The following NPAS3 variants were observed in gnomAD, a reference collection of about 807,000 sequenced individuals.
NPAS3 encodes the protein neuronal PAS domain-containing protein 3.
In NPAS3, 14 loss-of-function variants were observed where a neutral mutation model predicts 73.1. That is an observed-to-expected ratio of 0.19 (90% CI 0.13 to 0.30). The LOEUF is 0.30. Among genes scored for constraint, NPAS3 ranks in the 10% least tolerant of loss-of-function variants. The probability of loss-of-function intolerance (pLI) is 1.00; values close to 1 mark genes in which losing one functional copy is unlikely to be tolerated. For missense variants in NPAS3, 1,096 were observed against 1,250.0 expected (o/e 0.88, Z 1.86); for synonymous variants, 620 against 541.5 (o/e 1.14, Z -2.01).
At chr14:33,061,918 A>C (rs565092310) in intron 2 of NPAS3, among the ~76,000 whole-genome samples, 15 of 152,268 alleles carry the variant, frequency 9.9e-5, no homozygotes, top group African/African-American at 1.4e-4. Flanking sequence ...TTCATGGTGG[A>C]GGAGGAGCTA....
intron 1 of NPAS3, among the ~76,000 whole-genome samples, chr14:33,047,937 A>G (rs2040567038): frequency 6.6e-6 from 1 of 152,196 alleles, no homozygotes; most frequent in Non-Finnish European, 1.5e-5. Flanking sequence ...TTTAATGAAC[A>G]AAAAAGGTTT....
At chr14:33,495,791 T>C (rs1264193523) in intron 4 of NPAS3, among the ~76,000 whole-genome samples, 2 of 152,100 alleles carry the variant, frequency 1.3e-5, no homozygotes, top group Non-Finnish European at 2.9e-5. Flanking sequence ...GAGACTAGGA[T>C]TGCAACCTCT....
chr14:33,153,688 C>T (rs942842989), intron 2 of NPAS3, among the ~76,000 whole-genome samples: 5 of 152,144 alleles, frequency 3.3e-5, no homozygotes, highest in Non-Finnish European at 7.4e-5. Context: ...TCTCAAAGAG[C>T]TTTCATACAA....
In NPAS3 at chr14:33,780,352, G is replaced by A. The variant is rs1228431483; in HGVS notation, c.1153+1780G>A. On this transcript the variant is annotated intron_variant, in intron 9 of 11. Coordinates refer to ENST00000356141, the Ensembl canonical transcript of NPAS3. ...CAGGTTCTTTGTTGCTCAGAGTTTA[G>A]AGAAAATGGAGAAAAAAATCAGGAT... 9.2e-5 allele frequency among the ~76,000 whole-genome samples: 14 copies of A among 152,162 alleles called. 1 individual carries two copies. Among genetic ancestry groups the A allele is most frequent in the Admixed American group, 9.2e-4 (14 of 15,284 alleles).
chr14:33,534,788 T>C (rs1225475514), intron 4 of NPAS3, among the ~76,000 whole-genome samples: 1 of 151,802 alleles, frequency 6.6e-6, no homozygotes, highest in Non-Finnish European at 1.5e-5. Context: ...GACTTTGGAA[T>C]TTCCTGGAAT....
chr14:33,051,490 C>T (rs2040710723), intron 1 of NPAS3, among the ~76,000 whole-genome samples: 1 of 152,148 alleles, frequency 6.6e-6, no homozygotes, highest in African/African-American at 2.4e-5. Context: ...TGTTTCGTTG[C>T]ATTTGTAGCT....
At chr14:33,335,032 G>T (rs1240222027) in intron 3 of NPAS3, among the ~76,000 whole-genome samples, 1 of 114,190 alleles carries the variant, frequency 8.8e-6, no homozygotes, top group Non-Finnish European at 1.8e-5. Context: ...GTATTCCATT[G>T]TGTGTGTGTG....
chr14:33,357,130 A>G (rs951410281), intron 3 of NPAS3, among the ~76,000 whole-genome samples: 5 of 152,226 alleles, frequency 3.3e-5, no homozygotes, highest in Non-Finnish European at 7.3e-5. Flanking sequence ...TAGCTCCTGC[A>G]TAGTTACCGT....
At chr14:33,396,882 CTTTA>C (rs2047247422) in intron 4 of NPAS3, among the ~76,000 whole-genome samples, 1 of 152,078 alleles carries the variant, frequency 6.6e-6, no homozygotes, top group African/African-American at 2.4e-5. Context: ...TGCACAAATG[CTTTA>C]TTTATGGAAA....
At chr14:33,090,484 C>A (rs936650807) in intron 2 of NPAS3, among the ~76,000 whole-genome samples, 1 of 152,154 alleles carries the variant, frequency 6.6e-6, no homozygotes, top group African/African-American at 2.4e-5. Flanking sequence ...ACAGGAGAAG[C>A]CAGATTCATA....
At chr14:33,144,942 G>A (rs959521669) in intron 2 of NPAS3, among the ~76,000 whole-genome samples, 3 of 151,928 alleles carry the variant, frequency 2.0e-5, no homozygotes, top group African/African-American at 7.2e-5. Context: ...CTGAGTCCTC[G>A]AATATTTTAT....
At chr14:33,102,685 A>C (rs2042611616) in intron 2 of NPAS3, among the ~76,000 whole-genome samples, 1 of 152,298 alleles carries the variant, frequency 6.6e-6, no homozygotes, top group Admixed American at 6.5e-5. Flanking sequence ...TATTGCCAGC[A>C]TAGCTAGGAA....
intron 5 of NPAS3, among the ~76,000 whole-genome samples, chr14:33,631,642 C>G (rs1330567767): frequency 1.3e-5 from 2 of 152,212 alleles, no homozygotes; most frequent in East Asian, 1.9e-4. Context: ...GATATAGACT[C>G]TCTTTGGCGG....
intron 4 of NPAS3, among the ~76,000 whole-genome samples, chr14:33,460,516 C>G (rs1594949226): frequency 6.6e-6 from 1 of 152,196 alleles, no homozygotes; most frequent in African/African-American, 2.4e-5. Flanking sequence ...AGCTGTGACT[C>G]TTCCCAAAAA....
chr14:33,676,154 G>T, intron 5 of NPAS3, 57 bp from the exon 6 acceptor site: 1 of 1,556,028 alleles, frequency 6.4e-7, no homozygotes, highest in Non-Finnish European at 8.8e-7. Context: ...TGTTGAATTT[G>T]AAAATGGAGA....
At chr14:33,286,959 G>T (rs571264342) in intron 3 of NPAS3, among the ~76,000 whole-genome samples, 1 of 152,246 alleles carries the variant, frequency 6.6e-6, no homozygotes, top group South Asian at 2.1e-4. Flanking sequence ...AGCAGAGAAT[G>T]GTGGTTATCC....
chr14:33,237,807 AAAG>A (rs2048086120), intron 3 of NPAS3, among the ~76,000 whole-genome samples: 1 of 151,948 alleles, frequency 6.6e-6, no homozygotes, highest in African/African-American at 2.4e-5. Flanking sequence ...GTATTTACAT[AAAG>A]AAGATAAGTA....
chr14:33,369,215 T>A (rs1258583433), intron 4 of NPAS3, among the ~76,000 whole-genome samples: 3 of 152,066 alleles, frequency 2.0e-5, no homozygotes, highest in Non-Finnish European at 4.4e-5. Flanking sequence ...GACACCACAC[T>A]ATGGTTGCAT....
intron 1 of NPAS3, among the ~76,000 whole-genome samples, chr14:32,949,761 G>T (rs2139130132): frequency 6.6e-6 from 1 of 151,874 alleles, no homozygotes. Flanking sequence ...AAAGGAAAAA[G>T]TCCAGCCCTA....
Sources: allele counts gnomAD v4.1 joint callset (sites outside exome capture counted in the v4.1 genomes callset), GRCh38; gene constraint gnomAD v4.1.1; transcripts MANE v1.5; gene names NCBI Gene and HGNC (gene_info 2026-07-23, HGNC 2026-07-21).